RIN2: variants seen among roughly 807,000 people sequenced by gnomAD.
RIN2 encodes the protein RAB5 interacting protein 2.
RIN2 carries 36 observed loss-of-function variants against 78.0 expected under a neutral mutation model. The ratio of observed to expected loss-of-function variants is 0.46; its 90% CI spans 0.35 to 0.61. RIN2 has a LOEUF of 0.61. Among genes scored for constraint, RIN2 ranks in the 20% least tolerant of loss-of-function variants. The probability of loss-of-function intolerance (pLI) is 0.00; values close to 1 mark genes in which losing one functional copy is unlikely to be tolerated. For synonymous variants in RIN2, 466 were observed against 466.8 expected (o/e 1.00, Z 0.02); for missense variants, 1,087 against 1,159.7 (o/e 0.94, Z 0.91).
At chr20:19,871,534 A>T (rs1437686433) in intron 2 of RIN2, among the ~76,000 whole-genome samples, 2 of 152,218 alleles carry the variant, frequency 1.3e-5, no homozygotes, top group East Asian at 3.9e-4. Context: ...ATCATGCACT[A>T]TGTGGTTTCA....
At chr20:19,946,515 C>A (rs117776805) in intron 4 of RIN2, among the ~76,000 whole-genome samples, 1 of 152,096 alleles carries the variant, frequency 6.6e-6, no homozygotes, top group East Asian at 1.9e-4. Context: ...ACCAGGAGTT[C>A]GAGACCAGCA....
intron 2 of RIN2, among the ~76,000 whole-genome samples, chr20:19,808,582 C>A (rs1303490771): frequency 6.6e-6 from 1 of 152,252 alleles, no homozygotes; most frequent in Non-Finnish European, 1.5e-5. Context: ...TCCCCTCCCC[C>A]AGTCCAATGG....
At chr20:19,833,546 T>C (rs985147621) in intron 2 of RIN2, among the ~76,000 whole-genome samples, 1 of 152,216 alleles carries the variant, frequency 6.6e-6, no homozygotes, top group Non-Finnish European at 1.5e-5. Context: ...GTTTACAACG[T>C]GTTGAGCTCT....
At chr20:19,883,907 G>T (rs1487804700) in intron 2 of RIN2, among the ~76,000 whole-genome samples, 2 of 146,922 alleles carry the variant, frequency 1.4e-5, no homozygotes, top group Non-Finnish European at 3.0e-5. Context: ...AAAAAAAAAG[G>T]TTACTCTTAG....
chr20:19,898,094 G>T (rs924981303), intron 3 of RIN2, among the ~76,000 whole-genome samples: 1 of 152,206 alleles, frequency 6.6e-6, no homozygotes, highest in Non-Finnish European at 1.5e-5. Flanking sequence ...GCGCCCCCAA[G>T]GCATGACTTT....
In RIN2 at chr20:19,889,756, C is replaced by G. The variant is rs1156363344; in HGVS notation, c.57+98C>G. On this transcript the variant is annotated intron_variant, in intron 3 of 12. Transcript: ENST00000255006. ...GGAGCTGCTGAGGGAAGTCTGCTCT[C>G]TGAGCCAGCACCGGCTAAGGGAGCT... 5 of 963,332 alleles carry G rather than the reference C, an allele frequency of 5.2e-6. No homozygotes were observed. In the Admixed American group the frequency reaches 1.3e-4, roughly 24 times the overall value. 59.7% of individuals were successfully genotyped at this position (963,332 alleles called of 1,614,324 possible).
At chr20:19,892,447 C>T (rs993842710) in intron 3 of RIN2, among the ~76,000 whole-genome samples, 3 of 152,174 alleles carry the variant, frequency 2.0e-5, no homozygotes, top group Non-Finnish European at 2.9e-5. Context: ...AACTCCTGAC[C>T]TCGTGATCCA....
At chr20:19,907,907 T>A (rs953543556) in intron 3 of RIN2, among the ~76,000 whole-genome samples, 8 of 152,082 alleles carry the variant, frequency 5.3e-5, no homozygotes, top group Non-Finnish European at 1.2e-4. Context: ...TAAGGTGGGA[T>A]TAATAAATCC....
At chr20:19,805,405 C>A (rs1313750718) in intron 2 of RIN2, among the ~76,000 whole-genome samples, 1 of 151,994 alleles carries the variant, frequency 6.6e-6, no homozygotes, top group African/African-American at 2.4e-5. Context: ...GTTATAGGGA[C>A]CTTATTTTTT....
chr20:19,939,268 G>A (rs542790155), intron 4 of RIN2, among the ~76,000 whole-genome samples: 2 of 152,210 alleles, frequency 1.3e-5, no homozygotes, highest in African/African-American at 4.8e-5. Flanking sequence ...GTCTGATCTC[G>A]AATTCCTGGC....
chr20:19,920,064 G>A (rs998065468), intron 3 of RIN2, among the ~76,000 whole-genome samples: 2 of 152,080 alleles, frequency 1.3e-5, no homozygotes, highest in Admixed American at 6.6e-5. Flanking sequence ...GGAGGCCGAG[G>A]CGGGCAGATC....
intron 1 of RIN2, among the ~76,000 whole-genome samples, chr20:19,776,742 AAAAG>A (rs140024179): frequency 0.08 from 12,104 of 151,472 alleles, 452 homozygotes; most frequent in South Asian, 0.11. Context: ...AAAAAAAAAA[AAAAG>A]AAAGAAAGAA....
At chr20:19,758,403 C>T (rs956482322) in intron 1 of RIN2, 76 bp downstream of exon 1, 2 of 152,268 alleles carry the variant, frequency 1.3e-5, no homozygotes, top group African/African-American at 4.8e-5. Context: ...CGGGCACGGG[C>T]GGGGCTCTCT....
intron 3 of RIN2, among the ~76,000 whole-genome samples, chr20:19,916,863 G>T (rs1338455664): frequency 6.6e-6 from 1 of 152,106 alleles, no homozygotes; most frequent in Non-Finnish European, 1.5e-5. Context: ...GCTTGTGTTG[G>T]GTGGAAACCA....
intron 3 of RIN2, among the ~76,000 whole-genome samples, chr20:19,922,606 G>GT (rs1241214840): frequency 6.6e-6 from 1 of 152,210 alleles, no homozygotes; most frequent in Non-Finnish European, 1.5e-5. Flanking sequence ...GCACCACTCA[G>GT]TAGGAGTACC....
rs149980188 is a variant in RIN2 at position 19,973,630 on chromosome 20, A to G, written c.629-1024A>G. 5.1e-3 allele frequency among the ~76,000 whole-genome samples: 782 copies of G among 152,204 alleles called. 8 individuals carry two copies. The highest frequency in any genetic ancestry group is 0.018 in the African/African-American group (751 of 41,532). ...ATGGTGAAACCCCGTCTCTCCTAAA[A>G]ATACCAAAATTAGCCAGGCGTGGTG... On this transcript the variant is annotated intron_variant, in intron 8 of 12. Coordinates refer to ENST00000255006, the MANE Select transcript of RIN2 (RefSeq NM_018993.4).
chr20:19,869,168 G>A (rs2037603821), intron 2 of RIN2, among the ~76,000 whole-genome samples: 2 of 152,178 alleles, frequency 1.3e-5, no homozygotes, highest in South Asian at 2.1e-4. Context: ...AACACGCAGG[G>A]TGGATGAGTC....
intron 2 of RIN2, among the ~76,000 whole-genome samples, chr20:19,841,277 T>C (rs1460580809): frequency 6.6e-6 from 1 of 151,760 alleles, no homozygotes; most frequent in East Asian, 2.0e-4. Flanking sequence ...GCCACCACAC[T>C]CGGTGAAGGG....
intron 3 of RIN2, among the ~76,000 whole-genome samples, chr20:19,928,726 T>C (rs1180003538): frequency 6.6e-6 from 1 of 152,146 alleles, no homozygotes; most frequent in African/African-American, 2.4e-5. Context: ...AGGTGTGTTA[T>C]GCACGAATGC....
Sources: gnomAD v4.1 joint callset for allele counts (sites outside exome capture counted in the v4.1 genomes callset) on GRCh38, gnomAD v4.1.1 for gene constraint, MANE v1.5 for transcripts, NCBI Gene and HGNC (gene_info 2026-07-23, HGNC 2026-07-21) for gene names.